The following TAFA4 variants were observed in gnomAD, a reference collection of about 807,000 sequenced individuals.
The protein encoded by TAFA4 is chemokine-like protein TAFA-4.
TAFA4 carries 20 observed loss-of-function variants against 21.1 expected under a neutral mutation model. The observed-to-expected ratio is 0.95, with a 90% CI of 0.67 to 1.38. The LOEUF (loss-of-function observed/expected upper bound fraction) is 1.38, where lower values mean the gene tolerates loss of function less well. TAFA4 is among the 40% of genes most tolerant of loss of function. The pLI, the probability that TAFA4 is intolerant of heterozygous loss-of-function variation, is 0.00. For synonymous variants in TAFA4, 71 were observed against 67.4 expected (o/e 1.05, Z -0.26); for missense variants, 211 against 180.9 (o/e 1.17, Z -0.95).
chr3:68,927,812 T>G (rs1382225546), intron 1 of TAFA4, among the ~76,000 whole-genome samples: 2 of 151,750 alleles, frequency 1.3e-5, no homozygotes, highest in African/African-American at 4.8e-5. Flanking sequence ...GCAGAAGGAT[T>G]GCTTTAGCCC....
chr3:68,897,551 G>C (rs1266076759), intron 1 of TAFA4, among the ~76,000 whole-genome samples: 1 of 151,820 alleles, frequency 6.6e-6, no homozygotes, highest in Non-Finnish European at 1.5e-5. Context: ...GCTTGAACCC[G>C]GGAGGCAGAG....
intron 4 of TAFA4, among the ~76,000 whole-genome samples, chr3:68,748,400 G>T (rs1702499134): frequency 6.6e-6 from 1 of 152,170 alleles, no homozygotes; most frequent in Admixed American, 6.5e-5. Context: ...CATGAAACTT[G>T]TCTGCAGTCC....
At chr3:68,883,891 C>T (rs1216421136) in intron 2 of TAFA4, among the ~76,000 whole-genome samples, 2 of 151,894 alleles carry the variant, frequency 1.3e-5, no homozygotes, top group Non-Finnish European at 2.9e-5. Context: ...TATGATTATA[C>T]CACCACACTC....
chr3:68,807,918 A>T (rs1703738913), intron 3 of TAFA4, among the ~76,000 whole-genome samples: 1 of 152,208 alleles, frequency 6.6e-6, no homozygotes, highest in South Asian at 2.1e-4. Flanking sequence ...TTGTCATGCC[A>T]GAGCATCTAC....
chr3:68,750,112 A>G (rs1702534062), intron 4 of TAFA4, among the ~76,000 whole-genome samples: 1 of 152,204 alleles, frequency 6.6e-6, no homozygotes, highest in Non-Finnish European at 1.5e-5. Context: ...TTGTTTTGCC[A>G]TAAACACAAT....
chr3:68,816,311 A>G (rs1703973515), intron 3 of TAFA4, among the ~76,000 whole-genome samples: 1 of 152,176 alleles, frequency 6.6e-6, no homozygotes, highest in East Asian at 1.9e-4. Context: ...AACTTAATGT[A>G]TAATTAAAAA....
At chr3:68,931,614 G>T (rs2090158669) in intron 1 of TAFA4, among the ~76,000 whole-genome samples, 1 of 152,216 alleles carries the variant, frequency 6.6e-6, no homozygotes, top group Non-Finnish European at 1.5e-5. Flanking sequence ...ACCTTGGTGG[G>T]CAAATCTGAG....
intron 1 of TAFA4, among the ~76,000 whole-genome samples, chr3:68,907,724 A>G (rs2089918719): frequency 6.6e-6 from 1 of 152,208 alleles, no homozygotes; most frequent in African/African-American, 2.4e-5. Context: ...GCCCTGATGA[A>G]TTAAAGCCCA....
At chr3:68,920,666 A>G (rs1451577928) in intron 1 of TAFA4, among the ~76,000 whole-genome samples, 1 of 138,308 alleles carries the variant, frequency 7.2e-6, no homozygotes, top group African/African-American at 2.8e-5. Flanking sequence ...TTTTTTTACA[A>G]CTTGTGTATT....
intron 3 of TAFA4, among the ~76,000 whole-genome samples, chr3:68,769,619 T>C (rs1021340232): frequency 1.3e-5 from 2 of 152,184 alleles, no homozygotes; most frequent in Non-Finnish European, 2.9e-5. Flanking sequence ...GTGGATACGC[T>C]ACCATACCCA....
intron 3 of TAFA4, among the ~76,000 whole-genome samples, chr3:68,816,366 T>A (rs1169533950): frequency 3.3e-5 from 5 of 152,174 alleles, no homozygotes; most frequent in Non-Finnish European, 7.4e-5. Context: ...TATCTTTCCA[T>A]TTATTTGCCA....
intron 1 of TAFA4, among the ~76,000 whole-genome samples, chr3:68,892,582 G>A (rs1335070974): frequency 6.6e-6 from 1 of 152,084 alleles, no homozygotes; most frequent in African/African-American, 2.4e-5. Flanking sequence ...TATGTACAAA[G>A]AAAGAAATAA....
In TAFA4 at chr3:68,884,189, C is replaced by A. The variant is rs146615218; in HGVS notation, c.14+986G>T. 1.2e-3 allele frequency among the ~76,000 whole-genome samples: 189 copies of A among 152,316 alleles called. 2 individuals carry two copies. The highest frequency in any genetic ancestry group is 4.5e-3 in the African/African-American group (186 of 41,568). ...GTCTTGCCTTCAGATCCATTCCTCCCGCTTCCCCTATATTGAGGGCTGGAG... is the reference window on the plus strand; with the variant it reads ...GTCTTGCCTTCAGATCCATTCCTCCAGCTTCCCCTATATTGAGGGCTGGAG... On this transcript the variant is annotated intron_variant, in intron 2 of 5. Transcript: ENST00000295569.
At chr3:68,791,245 T>C (rs1703355224) in intron 3 of TAFA4, among the ~76,000 whole-genome samples, 1 of 152,204 alleles carries the variant, frequency 6.6e-6, no homozygotes, top group Non-Finnish European at 1.5e-5. Flanking sequence ...AATAAGACCT[T>C]TCCATGTGTA....
intron 3 of TAFA4, among the ~76,000 whole-genome samples, chr3:68,859,565 T>A (rs562475565): frequency 6.6e-6 from 1 of 152,304 alleles, no homozygotes; most frequent in African/African-American, 2.4e-5. Context: ...ATGCTAATAA[T>A]ATTTCGAGAA....
At chr3:68,778,983 T>G (rs1703101245) in intron 3 of TAFA4, among the ~76,000 whole-genome samples, 1 of 152,228 alleles carries the variant, frequency 6.6e-6, no homozygotes, top group South Asian at 2.1e-4. Context: ...ACTTGTTGAA[T>G]GGCTTTGCCC....
chr3:68,883,974 G>A (rs909412961), intron 2 of TAFA4, among the ~76,000 whole-genome samples: 1 of 132,004 alleles, frequency 7.6e-6, no homozygotes, highest in African/African-American at 3.0e-5. Flanking sequence ...GAGGCAGGGA[G>A]GGAAAGACAA....
intron 3 of TAFA4, among the ~76,000 whole-genome samples, chr3:68,755,460 A>G (rs1702644084): frequency 6.6e-6 from 1 of 152,126 alleles, no homozygotes; most frequent in South Asian, 2.1e-4. Context: ...CAGTTCTAGG[A>G]AAGGGTGCAT....
intron 3 of TAFA4, among the ~76,000 whole-genome samples, chr3:68,861,987 GT>G (rs772413745): frequency 1.3e-4 from 20 of 151,964 alleles, no homozygotes; most frequent in Non-Finnish European, 2.9e-4. Flanking sequence ...TATGCAACTT[GT>G]TCCACATCTG....
Sources: gnomAD v4.1 joint callset for allele counts (sites outside exome capture counted in the v4.1 genomes callset) on GRCh38, gnomAD v4.1.1 for gene constraint, MANE v1.5 for transcripts, NCBI Gene and HGNC (gene_info 2026-07-23, HGNC 2026-07-21) for gene names.